RDH10: variants seen among roughly 807,000 people sequenced by gnomAD.
RDH10 encodes the protein retinol dehydrogenase 10, also known as retinol dehydrogenase 10 (all-trans).
A neutral mutation model predicts 30.2 loss-of-function variants in RDH10; 12 were observed. The observed-to-expected ratio is 0.40, with a 90% CI of 0.25 to 0.64. The LOEUF is 0.64. RDH10 is among the 30% of genes least tolerant of loss of function. The pLI is 0.43. For missense variants in RDH10, 268 were observed against 445.2 expected (o/e 0.60, Z 3.58); for synonymous variants, 189 against 172.2 (o/e 1.10, Z -0.76).
rs1255576779 is a variant in RDH10, at chr8:73,294,659, CG to C, written c.-630del. 2.6e-5 allele frequency: 9 copies of C among 351,452 alleles called. No homozygotes were observed. Among genetic ancestry groups the C allele is most frequent in the African/African-American group, 1.9e-4 (9 of 46,860 alleles). The allele number at this position is 351,452 out of a possible 1,614,324, so 21.8% of individuals were successfully genotyped here. On this transcript the variant is annotated 5_prime_UTR_variant, in exon 1 of 6. Coordinates refer to ENST00000240285, the MANE Select transcript of RDH10 (RefSeq NM_172037.5). ...GGGCTGCGCTGCGGAGCCCAGTGCC[CG>C]AGTGACACCCGCGGAGAGTGCAGGG...
At chr8:73,299,054 TC>T (rs1282752947) in intron 2 of RDH10, among the ~76,000 whole-genome samples, 3 of 152,158 alleles carry the variant, frequency 2.0e-5, no homozygotes, top group African/African-American at 7.2e-5. Context: ...CCTCAGGTGA[TC>T]CGCCCGCCTC....
In RDH10 at chr8:73,295,588, A is replaced by G. The variant is rs1269599923; in HGVS notation, c.289+10A>G. 1.3e-6 allele frequency: 2 copies of G among 1,487,076 alleles called. No homozygotes were observed. The highest frequency in any genetic ancestry group is 2.6e-5 in the East Asian group (1 of 38,700). The allele number at this position is 1,487,076 out of a possible 1,614,324, so 92.1% of individuals were successfully genotyped here. A position where few individuals can be genotyped will look rare whatever the true frequency, so the allele number is the denominator to read the frequency against. On this transcript the variant is annotated intron_variant, in intron 1 of 5. Transcript: ENST00000240285. ...GCCGCTGCGCTGCAAGGTAACCTGG[A>G]CCCGCGCGGGAGCATTGTTGGGTCA...
intron 4 of RDH10, chr8:73,322,432 G>C: frequency 2.3e-6 from 1 of 433,992 alleles, no homozygotes; most frequent in Non-Finnish European, 4.1e-6. Flanking sequence ...TTAAAAACAT[G>C]ACTTTTTCAT....
intron 2 of RDH10, among the ~76,000 whole-genome samples, chr8:73,304,193 A>T (rs146230787): frequency 1.3e-5 from 2 of 152,156 alleles, no homozygotes; most frequent in Non-Finnish European, 2.9e-5. Flanking sequence ...TTAAAGCAGC[A>T]TGTCACAAAA....
chr8:73,314,909 CAT>C (rs879597877), intron 2 of RDH10, among the ~76,000 whole-genome samples: 7 of 152,258 alleles, frequency 4.6e-5, no homozygotes, highest in South Asian at 2.1e-4. Context: ...AAAGAAATCA[CAT>C]GTTTTAAACT....
At chr8:73,316,517 A>G (rs1392168011) in intron 2 of RDH10, among the ~76,000 whole-genome samples, 3 of 152,204 alleles carry the variant, frequency 2.0e-5, no homozygotes, top group Admixed American at 1.3e-4. Context: ...TTTTACTACT[A>G]CAAAGAAATA....
At position 73,294,978 on chromosome 8, in the gene RDH10, A is replaced by G. The variant is rs1342923417; in HGVS notation, c.-312A>G. 2.6e-5 allele frequency: 10 copies of G among 388,224 alleles called. No individual in the cohort carries two copies. Among genetic ancestry groups the G allele is most frequent in the Admixed American group, 1.3e-4 (3 of 22,300 alleles). 24.0% of individuals were successfully genotyped at this position (388,224 alleles called of 1,614,324 possible). ...AGTCTAACTCGCGGCTGTCACCGCC[A>G]CTGCAGCGGAGCCGGCCGGCCGGGC... is the stretch of plus-strand genomic sequence containing the variant. On this transcript the variant is annotated 5_prime_UTR_variant, in exon 1 of 6. Transcript: ENST00000240285.
At chr8:73,321,721 C>T in intron 4 of RDH10, 1 of 438,088 alleles carries the variant, frequency 2.3e-6, no homozygotes, top group South Asian at 1.6e-5. Context: ...TAAGAGGATG[C>T]TTGTGAAGAC....
At position 73,297,179 on chromosome 8, in the gene RDH10, G is replaced by T; in HGVS notation, c.290-15G>T. On this transcript the variant is annotated splice_polypyrimidine_tract_variant and intron_variant, in intron 1 of 5. Transcript: ENST00000240285. Reference sequence around the variant, plus strand: ...CTTTTGCATGTTTTCTCCTCATCTGGACTTCTGAGGACAGCTGGGAATGGT... The same window carrying T: ...CTTTTGCATGTTTTCTCCTCATCTGTACTTCTGAGGACAGCTGGGAATGGT... The T allele has an allele frequency of 6.7e-7, 1 of 1,485,730 alleles. No individual in the cohort carries two copies. The highest frequency in any genetic ancestry group is 1.1e-5 in the South Asian group (1 of 88,440). The allele number at this position is 1,485,730 out of a possible 1,614,324, so 92.0% of individuals were successfully genotyped here.
chr8:73,318,951 G>C, intron 2 of RDH10, 145 bp from the exon 3 acceptor site: 1 of 591,160 alleles, frequency 1.7e-6, no homozygotes, highest in Non-Finnish European at 3.0e-6. Context: ...ACACTTAAAA[G>C]ATCTTTTTGA....
At position 73,301,720 on chromosome 8, in the gene RDH10, C is replaced by T. The variant is rs1421654767; in HGVS notation, c.525+4291C>T. Reference sequence around the variant, plus strand: ...GCAGTGAGCAGACATGGCGCCACTGCACTCCAGCCTGGGTGACAGAACAAT... The same window carrying T: ...GCAGTGAGCAGACATGGCGCCACTGTACTCCAGCCTGGGTGACAGAACAAT... On this transcript the variant is annotated intron_variant, in intron 2 of 5. Coordinates refer to ENST00000240285, the MANE Select transcript of RDH10 (RefSeq NM_172037.5). Among the ~76,000 whole-genome samples, 5 of 152,294 alleles carry T rather than the reference C, an allele frequency of 3.3e-5. No homozygotes were observed. The East Asian group carries it at 7.8e-4, about 24-fold the overall frequency.
intron 2 of RDH10, among the ~76,000 whole-genome samples, chr8:73,314,223 A>G (rs1814622674): frequency 1.3e-5 from 2 of 152,238 alleles, no homozygotes; most frequent in South Asian, 4.1e-4. Context: ...TGTGCTGTCA[A>G]GCAGTGTCAA....
At chr8:73,312,160 A>G (rs1467314127) in intron 2 of RDH10, 2 of 152,216 alleles carry the variant, frequency 1.3e-5, no homozygotes, top group Non-Finnish European at 2.9e-5. Context: ...TAACACACTA[A>G]TGATGTATCC....
Position 73,295,074 on chromosome 8 carries a change from G to A in RDH10, c.-216G>A, listed in dbSNP as rs1242497458. 5.8e-6 allele frequency: 2 copies of A among 341,934 alleles called. No individual in the cohort carries two copies. The highest frequency in any genetic ancestry group is 1.0e-5 in the Non-Finnish European group (2 of 193,862). 21.2% of individuals were successfully genotyped at this position (341,934 alleles called of 1,614,324 possible). A position where few individuals can be genotyped will look rare whatever the true frequency, so the allele number is the denominator to read the frequency against. Reference sequence around the variant, plus strand: ...GTGACTGCCGCGGCGGGCACAGTCCGGGGCCACAGCGCCGAGCCCGGGCGG... The same window carrying A: ...GTGACTGCCGCGGCGGGCACAGTCCAGGGCCACAGCGCCGAGCCCGGGCGG... On this transcript the variant is annotated 5_prime_UTR_variant, in exon 1 of 6. Transcript: ENST00000240285.
chr8:73,325,217 AT>A lies in RDH10; in HGVS notation c.*2186del, dbSNP rs1440235186. The stretch of plus-strand genomic sequence containing the variant: ...TGTGTTATAACTTAAACCTATTTCT[AT>A]TTTTGTTTGTTATTGCCCTTATAAG... On this transcript the variant is annotated 3_prime_UTR_variant, in exon 6 of 6. Coordinates refer to ENST00000240285, the MANE Select transcript of RDH10 (RefSeq NM_172037.5). 1 of 152,178 alleles carries A rather than the reference AT, an allele frequency of 6.6e-6. No individual in the cohort carries two copies. Among genetic ancestry groups the A allele is most frequent in the Admixed American group, 6.5e-5 (1 of 15,288 alleles). 9.4% of individuals were successfully genotyped at this position (152,178 alleles called of 1,614,324 possible). A position where few individuals can be genotyped will look rare whatever the true frequency, so the allele number is the denominator to read the frequency against.
chr8:73,298,464 TTTCTC>T (rs1814317920), intron 2 of RDH10, among the ~76,000 whole-genome samples: 2 of 152,192 alleles, frequency 1.3e-5, no homozygotes, highest in Non-Finnish European at 2.9e-5. Flanking sequence ...CATCAAACCT[TTTCTC>T]TGCTCTTGGA....
At position 73,297,212 on chromosome 8, in the gene RDH10, A is replaced by G. The variant is rs771894802; in HGVS notation, c.308A>G (p.Glu103Gly). The G allele has an allele frequency of 6.2e-7, 1 of 1,611,948 alleles. No individual in the cohort carries two copies. The highest frequency in any genetic ancestry group is 1.1e-5 in the South Asian group (1 of 91,054). ...AALQAGNGEE[E>G]ILPHCNLQVF... is the part of the protein sequence containing the mutation. ...AGGACAGCTGGGAATGGTGAGGAAG[A>G]AATTCTGCCCCACTGTAACTTGCAG... Residue 103 changes from glutamate to glycine, a missense_variant, in exon 2 of 6, where the codon GAA becomes GGA. This residue lies in a region of RDH10 where 46 missense variants were observed against 36.7 expected (regional missense o/e 1.25). Coordinates refer to ENST00000240285, the MANE Select transcript of RDH10 (RefSeq NM_172037.5).
At position 73,303,155 on chromosome 8, in the gene RDH10, A is replaced by G. The variant is rs190099458; in HGVS notation, c.525+5726A>G. Reference sequence around the variant, plus strand: ...ATCTATATCCAAATGTCTAAAGTCTATTTAGTTAAAATCTATCCAGGAAAA... The same window carrying G: ...ATCTATATCCAAATGTCTAAAGTCTGTTTAGTTAAAATCTATCCAGGAAAA... On this transcript the variant is annotated intron_variant, in intron 2 of 5. Coordinates refer to ENST00000240285, the MANE Select transcript of RDH10 (RefSeq NM_172037.5). 5.6e-4 allele frequency among the ~76,000 whole-genome samples: 85 copies of G among 152,340 alleles called. No homozygotes were observed. In the East Asian group the frequency reaches 0.016, roughly 29 times the overall value.
In RDH10 at chr8:73,295,799, G is replaced by T. The variant is rs536903885; in HGVS notation, c.289+221G>T. The T allele has an allele frequency of 2.2e-4, 250 of 1,128,982 alleles. No homozygotes were observed. The East Asian group carries it at 7.1e-3, about 32-fold the overall frequency. The allele number at this position is 1,128,982 out of a possible 1,614,324, so 69.9% of individuals were successfully genotyped here. A position where few individuals can be genotyped will look rare whatever the true frequency, so the allele number is the denominator to read the frequency against. On this transcript the variant is annotated intron_variant, in intron 1 of 5. Transcript: ENST00000240285. ...GGTGCCCTGTCCTCGCGGAGGTTCG[G>T]TCTCTGGGGACCACGGCGGGGGGAG...
Sources: gnomAD v4.1 joint callset for allele counts (sites outside exome capture counted in the v4.1 genomes callset) on GRCh38, gnomAD v4.1.1 for gene constraint, gnomAD v4.1.1 regional missense constraint, MANE v1.5 for transcripts, NCBI Gene and HGNC (gene_info 2026-07-23, HGNC 2026-07-21) for gene names.